Variants in C2CD2 observed in about 807,000 individuals in gnomAD.
The protein encoded by C2CD2 is C2 calcium dependent domain containing 2, also known as C2 domain-containing protein 2.
A neutral mutation model predicts 74.3 loss-of-function variants in C2CD2; 43 were observed. The ratio of observed to expected loss-of-function variants is 0.58; its 90% CI spans 0.45 to 0.75. C2CD2 has a LOEUF of 0.75. C2CD2 is among the 30% of genes least tolerant of loss of function. C2CD2 has a pLI of 0.00. For missense variants in C2CD2, 801 were observed against 916.3 expected, an observed-to-expected ratio of 0.87 and a Z score of 1.63; for synonymous variants, 422 against 390.7, an observed-to-expected ratio of 1.08 and a Z score of -0.94.
At chr21:41,935,929 C>A (rs146992097) in intron 2 of C2CD2, among the ~76,000 whole-genome samples, 1 of 151,880 alleles carries the variant, frequency 6.6e-6, no homozygotes, top group East Asian at 1.9e-4. Context: ...TTATCTCACA[C>A]ATATATAAAA....
intron 13 of C2CD2, among the ~76,000 whole-genome samples, chr21:41,898,697 C>T (rs1330593659): frequency 6.6e-6 from 1 of 152,198 alleles, no homozygotes; most frequent in Non-Finnish European, 1.5e-5. Flanking sequence ...GAAGGAGCCC[C>T]AGGCTCTGCC....
chr21:41,905,153 A>T (rs919160693), intron 11 of C2CD2, among the ~76,000 whole-genome samples: 4 of 152,164 alleles, frequency 2.6e-5, no homozygotes, highest in African/African-American at 9.7e-5. Flanking sequence ...CAGAAAATTT[A>T]AAATGTAAAG....
At chr21:41,912,115 T>A (rs1056114239) in intron 7 of C2CD2, 1 of 503,162 alleles carries the variant, frequency 2.0e-6, no homozygotes, top group African/African-American at 2.0e-5. Flanking sequence ...TCTCATCATA[T>A]CAGGGCAGGA....
At chr21:41,925,434 T>C (rs2065200409) in intron 2 of C2CD2, among the ~76,000 whole-genome samples, 1 of 152,116 alleles carries the variant, frequency 6.6e-6, no homozygotes, top group Non-Finnish European at 1.5e-5. Context: ...CAGTGAGCCG[T>C]GATTGTGCCA....
intron 1 of C2CD2, among the ~76,000 whole-genome samples, chr21:41,946,317 C>G (rs183072666): frequency 2.6e-5 from 4 of 152,188 alleles, no homozygotes; most frequent in Non-Finnish European, 5.9e-5. Flanking sequence ...AATCTCATGT[C>G]GAATTTTAAT....
chr21:41,919,996 C>T (rs1289288604), intron 3 of C2CD2, among the ~76,000 whole-genome samples: 1 of 152,164 alleles, frequency 6.6e-6, no homozygotes, highest in African/African-American at 2.4e-5. Context: ...CTGCAGGCAT[C>T]CCTGCGGGTG....
intron 5 of C2CD2, among the ~76,000 whole-genome samples, chr21:41,916,362 C>T (rs1251301765): frequency 6.6e-6 from 1 of 152,044 alleles, no homozygotes; most frequent in Non-Finnish European, 1.5e-5. Context: ...TCCTCCCTCT[C>T]GTGGGTGGGC....
intron 1 of C2CD2, among the ~76,000 whole-genome samples, chr21:41,944,362 C>A (rs944829814): frequency 2.6e-5 from 4 of 151,268 alleles, no homozygotes; most frequent in Admixed American, 2.0e-4. Context: ...AATACACACA[C>A]ACAAAAAAAA....
intron 1 of C2CD2, among the ~76,000 whole-genome samples, chr21:41,948,650 T>C (rs900087733): frequency 4.6e-5 from 7 of 152,070 alleles, no homozygotes; most frequent in Non-Finnish European, 1.0e-4. Flanking sequence ...GGCAGCTCCA[T>C]GGTCCTTCCC....
chr21:41,909,562 A>C, intron 7 of C2CD2, 39 bp from the exon 8 acceptor site: 2 of 1,309,242 alleles, frequency 1.5e-6, no homozygotes. Context: ...TAAAAAATGC[A>C]ATGCTTGATT....
At chr21:41,904,118 A>C (rs1327729745) in intron 11 of C2CD2, among the ~76,000 whole-genome samples, 1 of 152,192 alleles carries the variant, frequency 6.6e-6, no homozygotes, top group Non-Finnish European at 1.5e-5. Context: ...GTGGTAAAGA[A>C]GCCGGCCACA....
At chr21:41,897,537 C>G (rs996033574) in intron 13 of C2CD2, among the ~76,000 whole-genome samples, 2 of 152,182 alleles carry the variant, frequency 1.3e-5, no homozygotes, top group African/African-American at 2.4e-5. Flanking sequence ...TTACAGCCCT[C>G]AAGTGCTCTG....
rs1203969781 is a variant in C2CD2, at chr21:41,886,523, G to A, written c.*2601C>T. ...GCTTCATAAACTCCCTCCCATGTTG[G>A]TGTTTTCTGTAACTTCAGAAAAGGC... On this transcript the variant is annotated 3_prime_UTR_variant, in exon 14 of 14. Coordinates refer to ENST00000380486, the MANE Select transcript of C2CD2 (RefSeq NM_015500.2). 1 of 152,186 alleles carries A rather than the reference G, an allele frequency of 6.6e-6. No homozygotes were observed. Among genetic ancestry groups the A allele is most frequent in the African/African-American group, 2.4e-5 (1 of 41,442 alleles). The allele number at this position is 152,186 out of a possible 1,614,324, so 9.4% of individuals were successfully genotyped here. A position where few individuals can be genotyped will look rare whatever the true frequency, so the allele number is the denominator to read the frequency against.
intron 13 of C2CD2, among the ~76,000 whole-genome samples, chr21:41,896,596 C>G (rs549024559): frequency 6.6e-6 from 1 of 150,480 alleles, no homozygotes; most frequent in South Asian, 2.1e-4. Context: ...ATTTCCTGTG[C>G]GGGCTGGTTT....
At chr21:41,922,142 C>T (rs1449682387) in intron 2 of C2CD2, 57 bp from the exon 3 acceptor site, 1 of 963,208 alleles carries the variant, frequency 1.0e-6, no homozygotes, top group Non-Finnish European at 1.6e-6. Flanking sequence ...ACAGCGCGTG[C>T]ATACGCATCT....
chr21:41,938,165 G>A (rs1030021563), intron 2 of C2CD2, among the ~76,000 whole-genome samples: 5 of 139,878 alleles, frequency 3.6e-5, no homozygotes, highest in East Asian at 1.9e-4. Flanking sequence ...CATTCCACAC[G>A]TGTATATATA....
rs750691587 is a variant in C2CD2, at chr21:41,942,148, T to C, written c.377A>G (p.Lys126Arg). The change falls in exon 2 of 14, where the codon AAG becomes AGG. Residue 126 changes from lysine (K) to arginine (R), a missense_variant and splice_region_variant. By Grantham distance (26) the Lys-to-Arg change is conservative (BLOSUM62 2). Coordinates refer to ENST00000380486, the MANE Select transcript of C2CD2 (RefSeq NM_015500.2). ...VSSVLRSAEE[K>R]VVVCHVVGQA... ...CAGGGAATGGGCTCCTGGGCTCACC[T>C]TCTCCTCCGCCGACCTGAGCACGCT... 30 of 1,549,180 alleles carry C rather than the reference T, an allele frequency of 1.9e-5. No homozygotes were observed. The highest frequency in any genetic ancestry group is 2.4e-5 in the Non-Finnish European group (28 of 1,146,768).
At chr21:41,930,180 T>C (rs1569077409) in intron 2 of C2CD2, among the ~76,000 whole-genome samples, 1 of 149,626 alleles carries the variant, frequency 6.7e-6, no homozygotes, top group Non-Finnish European at 1.5e-5. Flanking sequence ...AATCGACTGT[T>C]CTCTCTCCAG....
chr21:41,902,250 C>T lies in C2CD2; in HGVS notation c.1433-501G>A, dbSNP rs1340249819. Among the ~76,000 whole-genome samples, 11 of 152,304 alleles carry T rather than the reference C, an allele frequency of 7.2e-5. No individual in the cohort carries two copies. In the East Asian group the frequency reaches 1.3e-3, roughly 19 times the overall value. On this transcript the variant is annotated intron_variant, in intron 11 of 13. Transcript: ENST00000380486. ...TGAACTTTGAAAGGCAAGGTAGTGA[C>T]TCCTTTTCCCTCCCAAGAGTGCCTA...
Sources: allele counts gnomAD v4.1 joint callset (sites outside exome capture counted in the v4.1 genomes callset), GRCh38; gene constraint gnomAD v4.1.1; transcripts MANE v1.5; gene names NCBI Gene and HGNC (gene_info 2026-07-23, HGNC 2026-07-21).